Variants in MTF1 observed in about 807,000 individuals in gnomAD.
MTF1 encodes MRE-binding transcription factor.
MTF1 carries 22 observed loss-of-function variants against 70.4 expected under a neutral mutation model. The observed-to-expected ratio is 0.31, with a 90% confidence interval of 0.22 to 0.45. The LOEUF is 0.45. MTF1 is among the 20% of genes least tolerant of loss of function. The pLI, the probability that MTF1 is intolerant of heterozygous loss-of-function variation, is 1.00. For synonymous variants in MTF1, 333 were observed against 352.8 expected (o/e 0.94, Z 0.63); for missense variants, 649 against 922.0 (o/e 0.70, Z 3.83).
chr1:37,819,668 G>A (rs1438778609), intron 9 of MTF1, among the ~76,000 whole-genome samples: 1 of 150,096 alleles, frequency 6.7e-6, no homozygotes, highest in Non-Finnish European at 1.5e-5. Context: ...AATAATAATG[G>A]AGGCTGGGCG....
intron 9 of MTF1, among the ~76,000 whole-genome samples, chr1:37,821,358 T>G (rs1640907613): frequency 6.6e-6 from 1 of 152,064 alleles, no homozygotes; most frequent in African/African-American, 2.4e-5. Context: ...TTACACATAG[T>G]AAGGACTCAA....
Position 37,815,457 on chromosome 1 carries a change from G to C in MTF1, c.1941C>G (p.Ser647=). 2 of 1,607,172 alleles carry C rather than the reference G, an allele frequency of 1.2e-6. No individual in the cohort carries two copies. The highest frequency in any genetic ancestry group is 1.7e-6 in the Non-Finnish European group (2 of 1,176,418). ...GGGAGGAGCAGCCCTTTCTCCTGCTGGATGCCCGCTCCTTTGCAGAGTCCC... is the reference window on the plus strand; with the variant it reads ...GGGAGGAGCAGCCCTTTCTCCTGCTCGATGCCCGCTCCTTTGCAGAGTCCC... ...ACRDSAKERA[S]SRRKGCSSPP... The change falls in exon 11 of 11, where the codon TCC becomes TCG. Residue 647 remains serine, a synonymous_variant. Coordinates refer to ENST00000373036, the MANE Select transcript of MTF1 (RefSeq NM_005955.3). This position sits in a 1 kb window ranked among gnomAD's most constrained non-coding sequence, Gnocchi z 4.5.
intron 1 of MTF1, 46 bp from the exon 2 acceptor site, chr1:37,857,755 C>A: frequency 8.3e-7 from 1 of 1,199,990 alleles, no homozygotes; most frequent in Non-Finnish European, 1.2e-6. Context: ...ACAAGACCGA[C>A]GGACCTCCTC....
Position 37,835,197 on chromosome 1 carries a change from CAGA to C in MTF1, c.869_871del (p.Phe290del). ...TGTTTTCTCACAGCCATTACTGGGG[CAGA>C]AGAAGGGTCTTTCACCTGCAAGAAT... On this transcript the variant is annotated inframe_deletion, in exon 6 of 11. Transcript: ENST00000373036. 6.2e-7 allele frequency: 1 copy of C among 1,613,726 alleles called. No homozygotes were observed. Among genetic ancestry groups the C allele is most frequent in the Non-Finnish European group, 8.5e-7 (1 of 1,179,642 alleles).
Position 37,835,099 on chromosome 1 carries a change from G to A in MTF1, c.970C>T (p.Pro324Ser). ...CACACCTCTGATCCATTGTGTTGTGGAAGTGCATTGTATGAGTGTCCTTTG... is the reference window on the plus strand; with the variant it reads ...CACACCTCTGATCCATTGTGTTGTGAAAGTGCATTGTATGAGTGTCCTTTG... The part of the protein sequence containing the change: ...DNKGHSYNAL[P>S]QHNGSEDTNH... Residue 324 changes from proline (P) to serine (S), a missense_variant, in exon 6 of 11, where the codon CCA becomes TCA. Transcript: ENST00000373036. The A allele has an allele frequency of 6.2e-6, 10 of 1,614,170 alleles. No individual in the cohort carries two copies. The highest frequency in any genetic ancestry group is 8.5e-6 in the Non-Finnish European group (10 of 1,180,000).
intron 3 of MTF1, among the ~76,000 whole-genome samples, chr1:37,839,563 G>C (rs1457610315): frequency 6.6e-6 from 1 of 152,170 alleles, no homozygotes; most frequent in Non-Finnish European, 1.5e-5. Context: ...GCTTAGGTAG[G>C]ACAGAAGCCT....
intron 7 of MTF1, 84 bp from the exon 8 acceptor site, chr1:37,823,896 T>G (rs1640961861): frequency 1.0e-6 from 1 of 980,504 alleles, no homozygotes; most frequent in South Asian, 1.4e-5. Context: ...GCAGCAGAAC[T>G]AGAATGAAAA....
chr1:37,836,994 A>G (rs905537810), intron 4 of MTF1, among the ~76,000 whole-genome samples: 8 of 152,068 alleles, frequency 5.3e-5, no homozygotes, highest in Admixed American at 2.6e-4. Flanking sequence ...AGAGTAACCA[A>G]TTACAATCTA....
chr1:37,836,740 A>C (rs1641175464), intron 4 of MTF1, among the ~76,000 whole-genome samples: 1 of 152,200 alleles, frequency 6.6e-6, no homozygotes, highest in Non-Finnish European at 1.5e-5. Flanking sequence ...TATATGAATG[A>C]ATGCATTTTC....
At position 37,839,851 on chromosome 1, in the gene MTF1, G is replaced by C. The variant is rs1054697827; in HGVS notation, c.647+69C>G. ...AAAGTGAAAACAACTCCTCTGCAAG[G>C]GGAAAGAGCTCTGCCATCACAACAA... On this transcript the variant is annotated intron_variant, in intron 3 of 10. Transcript: ENST00000373036. 3.0e-5 allele frequency: 38 copies of C among 1,258,960 alleles called. No homozygotes were observed. The East Asian group carries it at 8.2e-4, about 27-fold the overall frequency. The allele number at this position is 1,258,960 out of a possible 1,614,324, so 78.0% of individuals were successfully genotyped here.
At chr1:37,853,964 T>C (rs924312057) in intron 2 of MTF1, among the ~76,000 whole-genome samples, 2 of 152,254 alleles carry the variant, frequency 1.3e-5, no homozygotes, top group Non-Finnish European at 1.5e-5. Flanking sequence ...CAAGCTCAAA[T>C]ATTGGACTGA....
At position 37,857,590 on chromosome 1, in the gene MTF1, A is replaced by T; in HGVS notation, c.69T>A (p.Asp23Glu). 6.2e-7 allele frequency: 1 copy of T among 1,614,212 alleles called. No individual in the cohort carries two copies. Among genetic ancestry groups the T allele is most frequent in the African/African-American group, 1.3e-5 (1 of 75,066 alleles). Residue 23 changes from aspartate to glutamate, a missense_variant, in exon 2 of 11, where the codon GAT (aspartate) becomes GAA (glutamate). Coordinates refer to ENST00000373036, the MANE Select transcript of MTF1 (RefSeq NM_005955.3). ...FEAEEDELTP[D>E]DKMLRFVDKN... ...TATCCACAAACCTGAGCATTTTATCATCGGGGGTCAGCTCATCTTCCTCTG... is the reference window on the plus strand; with the variant it reads ...TATCCACAAACCTGAGCATTTTATCTTCGGGGGTCAGCTCATCTTCCTCTG...
rs1488304797 is a variant in MTF1 at position 37,811,049 on chromosome 1, A to C, written c.*4087T>G. On this transcript the variant is annotated 3_prime_UTR_variant, in exon 11 of 11. Coordinates refer to ENST00000373036, the MANE Select transcript of MTF1 (RefSeq NM_005955.3). ...AATCACTCTGGAAAAGTCTTTAAGGACAATGGATGTGATTACAAATATAAA... is the reference window on the plus strand; with the variant it reads ...AATCACTCTGGAAAAGTCTTTAAGGCCAATGGATGTGATTACAAATATAAA... 1.3e-5 allele frequency: 2 copies of C among 152,672 alleles called. No individual in the cohort carries two copies. The highest frequency in any genetic ancestry group is 4.8e-5 in the African/African-American group (2 of 41,452). 9.5% of individuals were successfully genotyped at this position (152,672 alleles called of 1,614,324 possible).
Position 37,832,339 on chromosome 1 carries a change from A to G in MTF1, c.991-17T>C. On this transcript the variant is annotated splice_polypyrimidine_tract_variant and intron_variant, in intron 6 of 10. Coordinates refer to ENST00000373036, the MANE Select transcript of MTF1 (RefSeq NM_005955.3). ...ATTTGTATCCTGTGAAAGAGAAAAA[A>G]TTCTAATTGAGTAACAAAAATCAGG... 6.4e-7 allele frequency: 1 copy of G among 1,565,100 alleles called. No individual in the cohort carries two copies. The highest frequency in any genetic ancestry group is 8.8e-7 in the Non-Finnish European group (1 of 1,139,068).
At chr1:37,824,543 C>T in intron 7 of MTF1, among the ~76,000 whole-genome samples, 1 of 151,952 alleles carries the variant, frequency 6.6e-6, no homozygotes, top group East Asian at 1.9e-4. Flanking sequence ...ACTAAAAATA[C>T]AAAAATTAGC....
rs1307489509 is a variant in MTF1, at chr1:37,812,722, G to A, written c.*2414C>T. The A allele has an allele frequency of 6.6e-6, 1 of 152,124 alleles. No homozygotes were observed. Among genetic ancestry groups the A allele is most frequent in the Non-Finnish European group, 1.5e-5 (1 of 68,034 alleles). 9.4% of individuals were successfully genotyped at this position (152,124 alleles called of 1,614,324 possible). ...CAAATCCCAGGTGACCACAGGATGG[G>A]GATATGGGAAGGTCATTACTGCCCT... is the stretch of plus-strand genomic sequence containing the variant. On this transcript the variant is annotated 3_prime_UTR_variant, in exon 11 of 11. Transcript: ENST00000373036.
chr1:37,816,397 G>A (rs578145911), intron 10 of MTF1, among the ~76,000 whole-genome samples: 3 of 152,028 alleles, frequency 2.0e-5, no homozygotes, highest in African/African-American at 7.2e-5. Flanking sequence ...AAATTAGGCC[G>A]GGCGTGGTGG....
intron 7 of MTF1, among the ~76,000 whole-genome samples, chr1:37,824,527 G>C (rs1027993794): frequency 6.6e-6 from 1 of 152,012 alleles, no homozygotes; most frequent in African/African-American, 2.4e-5. Flanking sequence ...GTAAAACCCC[G>C]TTTCTACTAA....
intron 1 of MTF1, 44 bp from the exon 2 acceptor site, chr1:37,857,753 G>T: frequency 2.4e-6 from 3 of 1,231,068 alleles, no homozygotes; most frequent in Non-Finnish European, 3.4e-6. Context: ...CCACAAGACC[G>T]ACGGACCTCC....
Sources: gnomAD v4.1 joint callset for allele counts (sites outside exome capture counted in the v4.1 genomes callset) on GRCh38, gnomAD v4.1.1 for gene constraint, Gnocchi (gnomAD v3.1) non-coding constraint, MANE v1.5 for transcripts, NCBI Gene and HGNC (gene_info 2026-07-23, HGNC 2026-07-21) for gene names.